COL26A1: variants seen among roughly 807,000 people sequenced by gnomAD.
COL26A1 encodes collagen type XXVI alpha 1 chain.
Under a neutral mutation model 59.3 loss-of-function variants are expected in COL26A1, and 41 were observed. That is an observed-to-expected ratio of 0.69 (90% confidence interval 0.54 to 0.90). The LOEUF (loss-of-function observed/expected upper bound fraction) is 0.90, where lower values mean the gene tolerates loss of function less well. Among genes scored for constraint, COL26A1 ranks in the 40% least tolerant of loss-of-function variants. COL26A1 has a pLI of 0.00. For missense variants in COL26A1, 612 were observed against 602.3 expected, an observed-to-expected ratio of 1.02 and a Z score of -0.17; for synonymous variants, 266 against 256.0, an observed-to-expected ratio of 1.04 and a Z score of -0.37.
intron 3 of COL26A1, among the ~76,000 whole-genome samples, chr7:101,512,775 G>A (rs1350220370): frequency 6.6e-6 from 1 of 152,074 alleles, no homozygotes; most frequent in East Asian, 1.9e-4. Flanking sequence ...AAAAGTAATA[G>A]GTCCTTACCA....
intron 2 of COL26A1, among the ~76,000 whole-genome samples, chr7:101,430,352 G>A (rs1345907453): frequency 1.3e-5 from 2 of 151,804 alleles, no homozygotes; most frequent in African/African-American, 2.4e-5. Context: ...GTAGTGGCGC[G>A]ATCTCAGCTC....
chr7:101,551,435 G>C lies in COL26A1; in HGVS notation c.1029+292G>C, dbSNP rs1429819288. On this transcript the variant is annotated intron_variant, in intron 10 of 12. Coordinates refer to ENST00000313669, the MANE Select transcript of COL26A1 (RefSeq NM_001278563.3). ...ATGCGCTGTGTGGCCTGGGGCCATA[G>C]GTTAACATGCCGTGTGACCTGGGAA... is the stretch of plus-strand genomic sequence containing the variant. Among the ~76,000 whole-genome samples the C allele has an allele frequency of 2.0e-5, 3 of 152,202 alleles. No individual in the cohort carries two copies. In the East Asian group the frequency reaches 5.8e-4, roughly 29 times the overall value.
chr7:101,363,150 C>T lies in COL26A1; in HGVS notation c.118C>T (p.Pro40Ser), dbSNP rs1488703840. Residue 40 changes from proline to serine, a missense_variant, in exon 1 of 13, where the codon CCC (proline) becomes TCC (serine). Physicochemically the swap from Pro to Ser is moderately conservative, Grantham distance 74 (BLOSUM62 -1). Coordinates refer to ENST00000313669, the MANE Select transcript of COL26A1 (RefSeq NM_001278563.3). Reference protein sequence around the residue: ...AALQQHGYPEPGAGSPGSGYA... With the variant: ...AALQQHGYPESGAGSPGSGYA... Reference sequence around the variant, plus strand: ...TCTGCAGCAGCACGGCTACCCCGAGCCCGGCGCCGGCTCCCCTGGCAGCGG... The same window carrying T: ...TCTGCAGCAGCACGGCTACCCCGAGTCCGGCGCCGGCTCCCCTGGCAGCGG... 2.0e-6 allele frequency: 3 copies of T among 1,513,314 alleles called. No homozygotes were observed. The highest frequency in any genetic ancestry group is 2.6e-6 in the Non-Finnish European group (3 of 1,138,160). The allele number at this position is 1,513,314 out of a possible 1,614,324, so 93.7% of individuals were successfully genotyped here.
At chr7:101,468,444 G>A (rs1234207010) in intron 3 of COL26A1, among the ~76,000 whole-genome samples, 2 of 152,126 alleles carry the variant, frequency 1.3e-5, no homozygotes, top group East Asian at 1.9e-4. Flanking sequence ...CTGCCCATCC[G>A]TTTCTCTTCT....
chr7:101,379,993 T>G (rs1791409711), intron 1 of COL26A1, among the ~76,000 whole-genome samples: 3 of 152,166 alleles, frequency 2.0e-5, no homozygotes, highest in African/African-American at 7.2e-5. Flanking sequence ...CTTACTTACT[T>G]TCTTTTTTTT....
At chr7:101,485,483 G>A (rs1182240358) in intron 3 of COL26A1, among the ~76,000 whole-genome samples, 2 of 152,170 alleles carry the variant, frequency 1.3e-5, no homozygotes, top group African/African-American at 2.4e-5. Context: ...TGGGACACAC[G>A]CTTGTGAGCT....
chr7:101,544,141 G>A (rs972050469), intron 6 of COL26A1, 45 bp downstream of exon 6: 1 of 1,465,516 alleles, frequency 6.8e-7, no homozygotes, highest in Non-Finnish European at 9.4e-7. Flanking sequence ...CCTGCGGAAG[G>A]GGCTGGGCTT....
Position 101,557,721 on chromosome 7 carries a change from A to G in COL26A1, c.*191A>G. The G allele has an allele frequency of 1.7e-6, 1 of 574,744 alleles. No individual in the cohort carries two copies. Among genetic ancestry groups the G allele is most frequent in the East Asian group, 2.9e-5 (1 of 34,462 alleles). 35.6% of individuals were successfully genotyped at this position (574,744 alleles called of 1,614,324 possible). A position where few individuals can be genotyped will look rare whatever the true frequency, so the allele number is the denominator to read the frequency against. ...CTGGAGGGGCCAACACCCTCATCAG[A>G]GCCCTCCTCTGGCCTGTCCCCTCCC... is the stretch of plus-strand genomic sequence containing the variant. On this transcript the variant is annotated 3_prime_UTR_variant, in exon 13 of 13. Coordinates refer to ENST00000313669, the MANE Select transcript of COL26A1 (RefSeq NM_001278563.3).
At chr7:101,383,291 AT>A (rs573294237) in intron 1 of COL26A1, among the ~76,000 whole-genome samples, 169 of 150,820 alleles carry the variant, frequency 1.1e-3, no homozygotes, top group African/African-American at 3.4e-3. Context: ...AATTATTTTA[AT>A]TTTTTTTTAG....
At chr7:101,530,259 G>A (rs1364241457) in intron 3 of COL26A1, among the ~76,000 whole-genome samples, 1 of 151,912 alleles carries the variant, frequency 6.6e-6, no homozygotes, top group African/African-American at 2.4e-5. Flanking sequence ...GGAATCATTG[G>A]TTGTGTAAGT....
At chr7:101,406,879 G>A (rs1424694202) in intron 1 of COL26A1, among the ~76,000 whole-genome samples, 2 of 152,172 alleles carry the variant, frequency 1.3e-5, no homozygotes, top group African/African-American at 2.4e-5. Context: ...GAGCCCAGGA[G>A]GTTGAGGCTG....
At chr7:101,439,821 C>A (rs1041113511) in intron 2 of COL26A1, among the ~76,000 whole-genome samples, 11 of 152,136 alleles carry the variant, frequency 7.2e-5, no homozygotes, top group African/African-American at 2.4e-4. Flanking sequence ...GTAGGAGGGA[C>A]AACACCCCGC....
intron 3 of COL26A1, among the ~76,000 whole-genome samples, chr7:101,460,277 T>A (rs892230512): frequency 6.6e-6 from 1 of 152,112 alleles, no homozygotes; most frequent in Non-Finnish European, 1.5e-5. Context: ...AGATAAGGAC[T>A]TCGCTAAAGG....
At chr7:101,411,675 T>C (rs1185635257) in intron 1 of COL26A1, among the ~76,000 whole-genome samples, 1 of 152,120 alleles carries the variant, frequency 6.6e-6, no homozygotes, top group Non-Finnish European at 1.5e-5. Flanking sequence ...GCATTGTGTG[T>C]ACTGCAGTGT....
At chr7:101,419,867 C>G in intron 1 of COL26A1, 110 bp from the exon 2 acceptor site, 1 of 1,161,666 alleles carries the variant, frequency 8.6e-7, no homozygotes, top group East Asian at 2.6e-5. Flanking sequence ...AGAGAGCGAG[C>G]CTCCACCCCA....
intron 3 of COL26A1, among the ~76,000 whole-genome samples, chr7:101,523,537 G>T (rs1222154414): frequency 6.6e-6 from 1 of 152,054 alleles, no homozygotes; most frequent in East Asian, 1.9e-4. Flanking sequence ...CAATCCAACT[G>T]GAATTGACTT....
intron 3 of COL26A1, among the ~76,000 whole-genome samples, chr7:101,512,251 C>T (rs1794941377): frequency 6.6e-6 from 1 of 152,096 alleles, no homozygotes; most frequent in Non-Finnish European, 1.5e-5. Flanking sequence ...CAGGAAAGCC[C>T]ACTGGCTCAT....
At chr7:101,369,926 G>T (rs777547718) in intron 1 of COL26A1, among the ~76,000 whole-genome samples, 2 of 151,936 alleles carry the variant, frequency 1.3e-5, no homozygotes, top group Non-Finnish European at 2.9e-5. Context: ...GCAATGGCAT[G>T]ATCTCGGCTC....
At chr7:101,433,945 A>G (rs1001337163) in intron 2 of COL26A1, among the ~76,000 whole-genome samples, 1 of 152,044 alleles carries the variant, frequency 6.6e-6, no homozygotes, top group African/African-American at 2.4e-5. Context: ...TCATTAAATG[A>G]ATGCGTTCAT....
Sources: allele counts gnomAD v4.1 joint callset (sites outside exome capture counted in the v4.1 genomes callset), GRCh38; gene constraint gnomAD v4.1.1; transcripts MANE v1.5; gene names NCBI Gene and HGNC (gene_info 2026-07-23, HGNC 2026-07-21).